The following ADGRB3 variants were observed in gnomAD, a reference collection of about 807,000 sequenced individuals.
ADGRB3 encodes brain-specific angiogenesis inhibitor 3.
Under a neutral mutation model 193.4 loss-of-function variants are expected in ADGRB3, and 37 were observed. The ratio of observed to expected loss-of-function variants is 0.19; its 90% CI spans 0.15 to 0.25. ADGRB3 has a LOEUF of 0.25. Ranked by LOEUF, ADGRB3 falls within the 10% of genes least tolerant of loss-of-function variation. The probability of loss-of-function intolerance (pLI) is 1.00; values close to 1 mark genes in which losing one functional copy is unlikely to be tolerated. For synonymous variants in ADGRB3, 690 were observed against 644.2 expected (o/e 1.07, Z -1.08); for missense variants, 1,637 against 1,852.9 (o/e 0.88, Z 2.14).
chr6:68,944,130 A>G, intron 6 of ADGRB3, 136 bp downstream of exon 6: 5 of 907,502 alleles, frequency 5.5e-6, no homozygotes, highest in Non-Finnish European at 8.0e-6. Context: ...TATCTTGCCT[A>G]AAACTGGGTA....
At chr6:68,912,462 C>T (rs1766742251) in intron 3 of ADGRB3, among the ~76,000 whole-genome samples, 1 of 151,738 alleles carries the variant, frequency 6.6e-6, no homozygotes, top group Admixed American at 6.6e-5. Context: ...TGGTGTGCTG[C>T]ACTCATTAAC....
chr6:69,313,224 A>C (rs1768235756), intron 20 of ADGRB3, among the ~76,000 whole-genome samples: 1 of 151,852 alleles, frequency 6.6e-6, no homozygotes, highest in South Asian at 2.1e-4. Context: ...ATCTCAGGGA[A>C]TAGCACTAAT....
Position 68,798,482 on chromosome 6 carries a change from A to G in ADGRB3, c.758-132077A>G, listed in dbSNP as rs189793558. ...TCTTGTGATAGTTGGGTGTTGAACTATGAGAACACATGGACACAGGGAGGG... is the reference window on the plus strand; with the variant it reads ...TCTTGTGATAGTTGGGTGTTGAACTGTGAGAACACATGGACACAGGGAGGG... On this transcript the variant is annotated intron_variant, in intron 3 of 31. Coordinates refer to ENST00000370598, the MANE Select transcript of ADGRB3 (RefSeq NM_001704.3). Among the ~76,000 whole-genome samples the G allele has an allele frequency of 4.7e-3, 699 of 147,388 alleles. 5 individuals carry two copies. The highest frequency in any genetic ancestry group is 7.7e-3 in the Non-Finnish European group (516 of 66,952).
intron 3 of ADGRB3, among the ~76,000 whole-genome samples, chr6:68,704,155 G>A (rs1043590725): frequency 6.6e-6 from 1 of 152,054 alleles, no homozygotes; most frequent in Admixed American, 6.6e-5. Context: ...TTAATTTGAA[G>A]GTTGTCCAAA....
In ADGRB3 at chr6:69,306,204, GTAGAAATT is replaced by G. The variant is rs1239688974; in HGVS notation, c.2815-18662_2815-18655del. On this transcript the variant is annotated intron_variant, in intron 20 of 31. Coordinates refer to ENST00000370598, the MANE Select transcript of ADGRB3 (RefSeq NM_001704.3). ...GTTACTACAAATTTTCTCTTATACT[GTAGAAATT>G]TAGAACATGTCAACAAATAACGCAT... 1.3e-5 allele frequency among the ~76,000 whole-genome samples: 2 copies of G among 151,320 alleles called. 1 individual carries two copies. Among genetic ancestry groups the G allele is most frequent in the African/African-American group, 4.9e-5 (2 of 41,024 alleles).
chr6:69,312,399 G>C (rs1367380989), intron 20 of ADGRB3, among the ~76,000 whole-genome samples: 2 of 151,666 alleles, frequency 1.3e-5, no homozygotes, highest in Non-Finnish European at 3.0e-5. Context: ...TCTGAGGTTG[G>C]ATAGCTCAGA....
intron 3 of ADGRB3, among the ~76,000 whole-genome samples, chr6:68,755,217 T>A (rs1457270054): frequency 6.6e-6 from 1 of 152,096 alleles, no homozygotes; most frequent in East Asian, 1.9e-4. Context: ...TCCAGAATAT[T>A]TATAGATATG....
intron 3 of ADGRB3, among the ~76,000 whole-genome samples, chr6:68,765,358 CTAATTTT>C (rs1330647181): frequency 6.6e-6 from 1 of 152,018 alleles, no homozygotes; most frequent in African/African-American, 2.4e-5. Context: ...CTTTCTACCC[CTAATTTT>C]TAAAATATTT....
intron 24 of ADGRB3, among the ~76,000 whole-genome samples, chr6:69,333,997 AAAATAAAATAAAATAAAAT>A (rs1768787211): frequency 2.0e-5 from 2 of 100,494 alleles, no homozygotes; most frequent in African/African-American, 4.1e-5. Context: ...AAAATAAAAT[AAAATAAAATAAAATAAAAT>A]AAAAAATATG....
intron 3 of ADGRB3, among the ~76,000 whole-genome samples, chr6:68,691,992 T>A (rs1304765584): frequency 6.6e-6 from 1 of 151,830 alleles, no homozygotes; most frequent in Non-Finnish European, 1.5e-5. Context: ...CATTCACAAA[T>A]TGTTAGTATA....
intron 11 of ADGRB3, among the ~76,000 whole-genome samples, chr6:69,011,440 A>G (rs1769934347): frequency 6.6e-6 from 1 of 151,996 alleles, no homozygotes; most frequent in Non-Finnish European, 1.5e-5. Flanking sequence ...ACTCATGCAC[A>G]TAAAAATGGC....
At chr6:68,825,628 A>T (rs1002399245) in intron 3 of ADGRB3, among the ~76,000 whole-genome samples, 1 of 152,016 alleles carries the variant, frequency 6.6e-6, no homozygotes, top group African/African-American at 2.4e-5. Flanking sequence ...GTCAAGGGAG[A>T]GACCAGGTGG....
chr6:68,851,111 A>G (rs531515683), intron 3 of ADGRB3, among the ~76,000 whole-genome samples: 11 of 151,988 alleles, frequency 7.2e-5, no homozygotes, highest in Admixed American at 4.6e-4. Context: ...ATAAAGTTCT[A>G]TCTGCTCTGA....
chr6:68,639,598 G>T (rs915818191), intron 3 of ADGRB3, among the ~76,000 whole-genome samples, 166 bp downstream of exon 3: 1 of 152,150 alleles, frequency 6.6e-6, no homozygotes, highest in Non-Finnish European at 1.5e-5. Context: ...CTAGTTTTAG[G>T]TTTCAAGGTT....
At chr6:69,255,685 G>T (rs1766749750) in intron 20 of ADGRB3, among the ~76,000 whole-genome samples, 1 of 152,074 alleles carries the variant, frequency 6.6e-6, no homozygotes, top group South Asian at 2.1e-4. Context: ...TTCTTTTGCT[G>T]TGCAGAAGCT....
intron 3 of ADGRB3, among the ~76,000 whole-genome samples, chr6:68,879,133 C>A (rs1765667448): frequency 6.6e-6 from 1 of 150,984 alleles, no homozygotes; most frequent in Non-Finnish European, 1.5e-5. Context: ...TTTTTAGAGG[C>A]TTGAATGTCT....
intron 20 of ADGRB3, among the ~76,000 whole-genome samples, chr6:69,276,448 A>C (rs1767304818): frequency 6.6e-6 from 1 of 152,210 alleles, no homozygotes. Flanking sequence ...AATCAATCTA[A>C]AATTAAAAAT....
intron 11 of ADGRB3, among the ~76,000 whole-genome samples, chr6:68,994,576 A>G (rs1252278646): frequency 6.6e-6 from 1 of 152,226 alleles, no homozygotes; most frequent in Non-Finnish European, 1.5e-5. Flanking sequence ...ACCCAATGTC[A>G]GTATTGCCTT....
chr6:68,688,026 C>T (rs1040602126), intron 3 of ADGRB3, among the ~76,000 whole-genome samples: 1 of 152,004 alleles, frequency 6.6e-6, no homozygotes, highest in South Asian at 2.1e-4. Flanking sequence ...CTCTATGTGG[C>T]CCTTGAGGAA....
Sources: gnomAD v4.1 joint callset for allele counts (sites outside exome capture counted in the v4.1 genomes callset) on GRCh38, gnomAD v4.1.1 for gene constraint, MANE v1.5 for transcripts, NCBI Gene and HGNC (gene_info 2026-07-23, HGNC 2026-07-21) for gene names.